The following CUEDC1 variants were observed in gnomAD, a reference collection of about 807,000 sequenced individuals.
CUEDC1 encodes the protein CUE domain containing 1.
Under a neutral mutation model 43.7 loss-of-function variants are expected in CUEDC1, and 30 were observed. The observed-to-expected ratio is 0.69, with a 90% CI of 0.51 to 0.93. The LOEUF (loss-of-function observed/expected upper bound fraction) is 0.93. Among genes scored for constraint, CUEDC1 ranks in the 40% least tolerant of loss-of-function variants. The pLI is 0.00. For synonymous variants in CUEDC1, 223 were observed against 223.6 expected (o/e 1.00, Z 0.02); for missense variants, 486 against 549.0 (o/e 0.89, Z 1.15).
intron 1 of CUEDC1, among the ~76,000 whole-genome samples, chr17:57,898,527 C>A (rs1006624227): frequency 6.6e-6 from 1 of 152,154 alleles, no homozygotes; most frequent in Non-Finnish European, 1.5e-5. Context: ...TATGGGGATA[C>A]ATATACCTTC....
chr17:57,928,668 T>C (rs1208998490), intron 1 of CUEDC1, among the ~76,000 whole-genome samples: 1 of 152,034 alleles, frequency 6.6e-6, no homozygotes, highest in African/African-American at 2.4e-5. Context: ...GCAACCTCTT[T>C]GCTATCAAGA....
rs1263086563 is a variant in CUEDC1, at chr17:57,944,265, C to T, written c.-316+10960G>A. Among the ~76,000 whole-genome samples the T allele has an allele frequency of 1.7e-4, 25 of 145,818 alleles. 1 individual carries two copies. In the South Asian group the frequency reaches 3.2e-3, roughly 19 times the overall value. ...CGCTCTTGTTGCACAGGCTGGTGTG[C>T]AATGGTGCGATCTCGGCTCACTGCA... On this transcript the variant is annotated intron_variant, in intron 1 of 10. Transcript: ENST00000577830.
intron 1 of CUEDC1, among the ~76,000 whole-genome samples, chr17:57,935,331 C>A (rs2074849138): frequency 6.6e-6 from 1 of 150,808 alleles, no homozygotes; most frequent in Non-Finnish European, 1.5e-5. Context: ...TCCTGAGTGA[C>A]CAGCGTGACA....
At chr17:57,867,824 G>A (rs1465634829) in intron 8 of CUEDC1, among the ~76,000 whole-genome samples, 1 of 152,184 alleles carries the variant, frequency 6.6e-6, no homozygotes, top group African/African-American at 2.4e-5. Flanking sequence ...ATGAAGGGAA[G>A]GTTTGATATT....
At chr17:57,867,295 A>G in intron 9 of CUEDC1, 62 bp downstream of exon 9, 1 of 1,486,884 alleles carries the variant, frequency 6.7e-7, no homozygotes, top group Non-Finnish European at 9.2e-7. Flanking sequence ...ACACCCAGGA[A>G]CTCCGCTGGG....
intron 1 of CUEDC1, among the ~76,000 whole-genome samples, chr17:57,939,786 T>C (rs2074899429): frequency 6.6e-6 from 1 of 152,094 alleles, no homozygotes; most frequent in Non-Finnish European, 1.5e-5. Flanking sequence ...TCAGACACCA[T>C]TCAGTAACTA....
At chr17:57,936,224 T>C (rs868306352) in intron 1 of CUEDC1, among the ~76,000 whole-genome samples, 7 of 152,240 alleles carry the variant, frequency 4.6e-5, no homozygotes, top group Middle Eastern at 3.4e-3. Flanking sequence ...CAGGACAGTG[T>C]GGACTCCCAG....
At chr17:57,947,307 G>A (rs1002515583) in intron 1 of CUEDC1, among the ~76,000 whole-genome samples, 1 of 152,026 alleles carries the variant, frequency 6.6e-6, no homozygotes, top group East Asian at 1.9e-4. Context: ...AGTTCACCCC[G>A]TGAGCTAAAG....
chr17:57,870,730 G>C (rs1174414398), intron 6 of CUEDC1, among the ~76,000 whole-genome samples: 1 of 151,126 alleles, frequency 6.6e-6, no homozygotes, highest in Non-Finnish European at 1.5e-5. Flanking sequence ...AAGCTGGAGT[G>C]CAGTGGCATA....
intron 10 of CUEDC1, among the ~76,000 whole-genome samples, chr17:57,864,014 AAAAG>A (rs1568023883): frequency 2.0e-5 from 3 of 151,216 alleles, no homozygotes; most frequent in South Asian, 2.1e-4. Flanking sequence ...AAAAAAAAAA[AAAAG>A]AAAGAAAAGA....
intron 1 of CUEDC1, among the ~76,000 whole-genome samples, chr17:57,935,108 C>G (rs535391617): frequency 6.6e-6 from 1 of 152,168 alleles, no homozygotes; most frequent in Non-Finnish European, 1.5e-5. Context: ...TTCAAGTGCC[C>G]GCAATCAGCT....
chr17:57,893,346 G>GGTGTGTGTGTGTGTGTGTGTGTGTGTGT (rs1456034263), intron 1 of CUEDC1, among the ~76,000 whole-genome samples: 17 of 89,994 alleles, frequency 1.9e-4, no homozygotes, highest in Non-Finnish European at 3.9e-4. Flanking sequence ...AGGCTCTCAG[G>GGTGTGTGTGTGTGTGTGTGTGTGTGTGT]GTATGTGTGT....
chr17:57,923,954 A>G (rs564490844), intron 1 of CUEDC1, among the ~76,000 whole-genome samples: 115 of 152,324 alleles, frequency 7.5e-4, no homozygotes, highest in African/African-American at 2.5e-3. Context: ...AAATGTAACT[A>G]AAGCCTGTCC....
intron 1 of CUEDC1, among the ~76,000 whole-genome samples, chr17:57,894,324 C>G (rs994308401): frequency 2.0e-5 from 3 of 152,206 alleles, no homozygotes; most frequent in African/African-American, 4.8e-5. Context: ...ACCCCTATCA[C>G]TTAGATCTGT....
intron 7 of CUEDC1, chr17:57,868,499 G>A (rs1488182528): frequency 1.7e-5 from 9 of 520,924 alleles, no homozygotes; most frequent in African/African-American, 5.8e-5. Context: ...CCCAGGGACC[G>A]CAGGCGGCTC....
In CUEDC1 at chr17:57,885,893, A is replaced by AGATG. The variant is rs1411555532; in HGVS notation, c.-315-18_-315-15dup. The AGATG allele has an allele frequency of 9.0e-6, 2 of 222,224 alleles. No homozygotes were observed. Among genetic ancestry groups the AGATG allele is most frequent in the Non-Finnish European group, 1.7e-5 (2 of 114,434 alleles). 13.8% of individuals were successfully genotyped at this position (222,224 alleles called of 1,614,324 possible). A position where few individuals can be genotyped will look rare whatever the true frequency, so the allele number is the denominator to read the frequency against. On this transcript the variant is annotated splice_polypyrimidine_tract_variant and intron_variant, in intron 1 of 10. Coordinates refer to ENST00000577830, the MANE Select transcript of CUEDC1 (RefSeq NM_001271875.2). Reference sequence around the variant, plus strand: ...GGATGGTCCCACCTGAAACCGAAAGAGATGGAGTCAGGGCCGAGGCTAACA... The same window carrying AGATG: ...GGATGGTCCCACCTGAAACCGAAAGAGATGGATGGAGTCAGGGCCGAGGCTAACA...
chr17:57,923,016 G>A (rs968753662), intron 1 of CUEDC1, among the ~76,000 whole-genome samples: 8 of 151,830 alleles, frequency 5.3e-5, no homozygotes, highest in East Asian at 1.9e-4. Context: ...TTATAGAGAC[G>A]GGCCTTGCCA....
chr17:57,879,648 G>A lies in CUEDC1; in HGVS notation c.427C>T (p.Arg143Trp), dbSNP rs774197846. The A allele has an allele frequency of 4.6e-5, 73 of 1,604,382 alleles. 1 individual carries two copies. The East Asian group carries it at 1.3e-3, about 28-fold the overall frequency. The change falls in exon 3 of 11, where the codon CGG becomes TGG. Residue 143 changes from arginine to tryptophan, a missense_variant. Physicochemically the swap from Arg to Trp is moderately radical, Grantham distance 101. Transcript: ENST00000577830. ...GTCGGGGGAGCCAGAGGGTAGGGCC[G>A]GTCGAACACGTGCATGTGGTAGGCT... ...PPAYHMHVFD[R>W]PYPLAPPTPP... is the part of the protein sequence containing the mutation.
intron 10 of CUEDC1, among the ~76,000 whole-genome samples, chr17:57,865,643 T>C (rs1174401706): frequency 6.6e-6 from 1 of 151,940 alleles, no homozygotes; most frequent in African/African-American, 2.4e-5. Flanking sequence ...CCCAAGAGGG[T>C]GCACAGGAAG....
Sources: gnomAD v4.1 joint callset for allele counts (sites outside exome capture counted in the v4.1 genomes callset) on GRCh38, gnomAD v4.1.1 for gene constraint, MANE v1.5 for transcripts, NCBI Gene and HGNC (gene_info 2026-07-23, HGNC 2026-07-21) for gene names.